The following NALCN variants were observed in gnomAD, a reference collection of about 807,000 sequenced individuals.
NALCN encodes the protein sodium leak channel NALCN.
A neutral mutation model predicts 225.3 loss-of-function variants in NALCN; 111 were observed. The ratio of observed to expected loss-of-function variants is 0.49; its 90% CI spans 0.42 to 0.58. The LOEUF (loss-of-function observed/expected upper bound fraction) is 0.58. Ranked by LOEUF, NALCN falls within the 20% of genes least tolerant of loss-of-function variation. The pLI, the probability that NALCN is intolerant of heterozygous loss-of-function variation, is 0.00. For missense variants in NALCN, 1,378 were observed against 2,202.4 expected (o/e 0.63, Z 7.49); for synonymous variants, 764 against 769.0 (o/e 0.99, Z 0.11).
chr13:101,261,412 A>T (rs1284756084), intron 10 of NALCN, among the ~76,000 whole-genome samples: 1 of 152,140 alleles, frequency 6.6e-6, no homozygotes, highest in Non-Finnish European at 1.5e-5. Context: ...TTTGATAAGG[A>T]TTCAATTGCA....
At chr13:101,277,141 T>G (rs990726730) in intron 10 of NALCN, among the ~76,000 whole-genome samples, 1 of 152,112 alleles carries the variant, frequency 6.6e-6, no homozygotes, top group African/African-American at 2.4e-5. Context: ...GGTTACTTCA[T>G]GTATTTAATT....
chr13:101,374,710 A>C (rs1283359750), intron 6 of NALCN, among the ~76,000 whole-genome samples: 2 of 152,172 alleles, frequency 1.3e-5, no homozygotes, highest in African/African-American at 4.8e-5. Flanking sequence ...AATTATACTG[A>C]TGTTTTGAAG....
rs76905888 is a variant in NALCN, at chr13:101,190,644, T to C, written c.1764+1273A>G. Among the ~76,000 whole-genome samples the C allele has an allele frequency of 4.5e-4, 69 of 152,324 alleles. 1 individual carries two copies. The East Asian group carries it at 0.013, about 28-fold the overall frequency. On this transcript the variant is annotated intron_variant, in intron 14 of 43. Transcript: ENST00000251127. ...GACTTCACACCATGTAACAATGAAT[T>C]CTCATTAACTTTTTGGTGGACATGT...
intron 13 of NALCN, among the ~76,000 whole-genome samples, chr13:101,215,719 T>G (rs1055375949): frequency 6.6e-6 from 1 of 152,058 alleles, no homozygotes; most frequent in Non-Finnish European, 1.5e-5. Context: ...TATTAATTTA[T>G]TATACTTTAA....
intron 3 of NALCN, 90 bp downstream of exon 3, chr13:101,395,093 T>C: frequency 7.7e-7 from 1 of 1,300,400 alleles, no homozygotes; most frequent in East Asian, 2.5e-5. Flanking sequence ...GATGTTTTGT[T>C]TTACTGAAAT....
chr13:101,349,127 C>T (rs2045831597), intron 6 of NALCN, among the ~76,000 whole-genome samples: 1 of 152,118 alleles, frequency 6.6e-6, no homozygotes, highest in African/African-American at 2.4e-5. Flanking sequence ...TAAATATCCA[C>T]TCATGTTTAA....
intron 12 of NALCN, among the ~76,000 whole-genome samples, chr13:101,235,714 A>C (rs2041530390): frequency 6.6e-6 from 1 of 152,184 alleles, no homozygotes. Flanking sequence ...GAGCGCTTGA[A>C]CTATGAAAAC....
At chr13:101,345,531 T>G in intron 6 of NALCN, 111 bp from the exon 7 acceptor site, 9 of 1,201,952 alleles carry the variant, frequency 7.5e-6, no homozygotes, top group East Asian at 2.6e-5. Context: ...CAAGTGAGGT[T>G]GCTCATGCCT....
chr13:101,403,928 G>A (rs2047548136), intron 1 of NALCN, among the ~76,000 whole-genome samples: 1 of 152,122 alleles, frequency 6.6e-6, no homozygotes, highest in Non-Finnish European at 1.5e-5. Context: ...CATGTCTTTG[G>A]GAAACCAACC....
chr13:101,287,645 A>T (rs1020631732), intron 9 of NALCN, among the ~76,000 whole-genome samples: 1 of 152,210 alleles, frequency 6.6e-6, no homozygotes, highest in Non-Finnish European at 1.5e-5. Flanking sequence ...AATTAGTAGA[A>T]TCTCACCAAT....
intron 22 of NALCN, 31 bp downstream of exon 22, chr13:101,107,456 C>T (rs759882408): frequency 2.7e-5 from 44 of 1,613,358 alleles, no homozygotes; most frequent in Non-Finnish European, 2.1e-5. Context: ...TGGCTCAGGC[C>T]AAACACCTGG....
At chr13:101,203,224 CTTTTT>C (rs200478892) in intron 13 of NALCN, among the ~76,000 whole-genome samples, 1 of 151,838 alleles carries the variant, frequency 6.6e-6, no homozygotes, top group Non-Finnish European at 1.5e-5. Context: ...CCTATGTTTT[CTTTTT>C]TTTGAGACAG....
chr13:101,173,441 T>C (rs2038829649), intron 15 of NALCN, among the ~76,000 whole-genome samples: 1 of 152,206 alleles, frequency 6.6e-6, no homozygotes, highest in African/African-American at 2.4e-5. Flanking sequence ...ATTTGTTGGC[T>C]GTGTAACCTT....
chr13:101,289,525 CATATATATAT>C (rs10549837), intron 9 of NALCN, among the ~76,000 whole-genome samples: 2 of 140,858 alleles, frequency 1.4e-5, no homozygotes, highest in Non-Finnish European at 3.1e-5. Context: ...TGAAAATGTG[CATATATATAT>C]ATATATATAT....
chr13:101,268,304 C>T (rs2042662958), intron 10 of NALCN, among the ~76,000 whole-genome samples: 1 of 152,050 alleles, frequency 6.6e-6, no homozygotes, highest in Admixed American at 6.6e-5. Flanking sequence ...TTGAAATTGG[C>T]CATGGTGGGA....
intron 15 of NALCN, among the ~76,000 whole-genome samples, chr13:101,171,260 TTA>T (rs71121170): frequency 2.7e-5 from 4 of 148,864 alleles, no homozygotes; most frequent in Admixed American, 1.3e-4. Flanking sequence ...TATGTATAAT[TTA>T]TGTCATGTAT....
At chr13:101,398,588 T>C (rs1181274040) in intron 2 of NALCN, among the ~76,000 whole-genome samples, 4 of 152,224 alleles carry the variant, frequency 2.6e-5, no homozygotes, top group Admixed American at 6.5e-5. Context: ...ATTATCTCAT[T>C]GACCTTTTAC....
At chr13:101,207,862 C>T (rs1285268551) in intron 13 of NALCN, among the ~76,000 whole-genome samples, 1 of 152,226 alleles carries the variant, frequency 6.6e-6, no homozygotes. Context: ...ATACATCTTG[C>T]TGCTGCTCAC....
chr13:101,375,656 T>A (rs2046668282), intron 6 of NALCN, among the ~76,000 whole-genome samples: 1 of 152,216 alleles, frequency 6.6e-6, no homozygotes, highest in Admixed American at 6.5e-5. Flanking sequence ...TTAAATCTAA[T>A]TTCTAAGATT....
Sources: allele counts gnomAD v4.1 joint callset (sites outside exome capture counted in the v4.1 genomes callset), GRCh38; gene constraint gnomAD v4.1.1; transcripts MANE v1.5; gene names NCBI Gene and HGNC (gene_info 2026-07-23, HGNC 2026-07-21).